The following CFAP91 variants were observed in gnomAD, a reference collection of about 807,000 sequenced individuals.
CFAP91 encodes the protein cilia and flagella associated protein 91.
Under a neutral mutation model 95.9 loss-of-function variants are expected in CFAP91, and 85 were observed. The ratio of observed to expected loss-of-function variants is 0.89; its 90% CI spans 0.74 to 1.06. CFAP91 has a LOEUF of 1.06. Among genes scored for constraint, CFAP91 ranks in the 50% least tolerant of loss-of-function variants. The pLI is 0.00. For synonymous variants in CFAP91, 335 were observed against 327.5 expected, an observed-to-expected ratio of 1.02 and a Z score of -0.25; for missense variants, 962 against 943.4, an observed-to-expected ratio of 1.02 and a Z score of -0.26.
chr3:119,756,853 C>T (rs1359997720), intron 17 of CFAP91, among the ~76,000 whole-genome samples: 1 of 152,010 alleles, frequency 6.6e-6, no homozygotes, highest in African/African-American at 2.4e-5. Flanking sequence ...AAAAAGGAAA[C>T]AGAACCAATA....
chr3:119,722,757 G>T (rs1205960525), intron 6 of CFAP91, among the ~76,000 whole-genome samples: 2 of 151,906 alleles, frequency 1.3e-5, no homozygotes, highest in Non-Finnish European at 2.9e-5. Context: ...GCCTCCAAAA[G>T]TGCTGGGATT....
At chr3:119,726,107 T>C in intron 6 of CFAP91, 64 bp from the exon 7 acceptor site, 1 of 1,400,010 alleles carries the variant, frequency 7.1e-7, no homozygotes, top group South Asian at 1.4e-5. Context: ...AGGGAGTTAA[T>C]TATATACTGG....
At chr3:119,745,559 C>T (rs1261897256) in intron 14 of CFAP91, among the ~76,000 whole-genome samples, 1 of 152,210 alleles carries the variant, frequency 6.6e-6, no homozygotes, top group African/African-American at 2.4e-5. Context: ...CATAAACACA[C>T]AGGTACATAT....
intron 5 of CFAP91, 183 bp downstream of exon 5, chr3:119,710,078 TAACC>T (rs2053446085): frequency 1.7e-6 from 1 of 582,366 alleles, no homozygotes; most frequent in Non-Finnish European, 3.0e-6. Flanking sequence ...GAATAGAAAA[TAACC>T]AAAGCATCAA....
At chr3:119,752,454 C>T (rs1002698628) in intron 17 of CFAP91, 6 of 152,100 alleles carry the variant, frequency 3.9e-5, no homozygotes, top group Non-Finnish European at 7.4e-5. Flanking sequence ...AGCAGAAAAA[C>T]TTTTGACTTT....
rs776492447 is a variant in CFAP91 at position 119,715,650 on chromosome 3, G to T, written c.589G>T (p.Asp197Tyr). Residue 197 changes from aspartate (D) to tyrosine (Y), a missense_variant, in exon 6 of 18, where the codon GAT becomes TAT. Asp to Tyr is a radical substitution (Grantham distance 160). Transcript: ENST00000273390. The stretch of plus-strand genomic sequence containing the variant: ...TGTGGGCACTCAGACTGATTATCGG[G>T]ATGCTGACGTTCAAACAGATCCATA... ...STVGTQTDYR[D>Y]ADVQTDPYSA... is the part of the protein sequence containing the mutation. 6.2e-7 allele frequency: 1 copy of T among 1,613,472 alleles called. No homozygotes were observed. Among genetic ancestry groups the T allele is most frequent in the Non-Finnish European group, 8.5e-7 (1 of 1,179,438 alleles).
intron 1 of CFAP91, 134 bp downstream of exon 1, chr3:119,703,356 C>CT (rs946551727): frequency 1.4e-6 from 2 of 1,421,832 alleles, no homozygotes; most frequent in African/African-American, 2.8e-5. Flanking sequence ...CACGGTTGTC[C>CT]TTGGTCGGGT....
At chr3:119,762,697 G>A (rs976038109) in intron 17 of CFAP91, among the ~76,000 whole-genome samples, 2 of 151,970 alleles carry the variant, frequency 1.3e-5, no homozygotes, top group Admixed American at 6.6e-5. Flanking sequence ...TTTGACAGAG[G>A]TGCCAAGAAC....
intron 5 of CFAP91, among the ~76,000 whole-genome samples, chr3:119,713,465 G>A (rs918225379): frequency 2.0e-5 from 3 of 148,686 alleles, no homozygotes; most frequent in Non-Finnish European, 3.0e-5. Context: ...TGCTGTGCTC[G>A]TATATAAGCT....
At position 119,744,159 on chromosome 3, in the gene CFAP91, A is replaced by G. The variant is rs1248519424; in HGVS notation, c.1865A>G (p.Lys622Arg). ...GAGAGTGGTCGGCGCCAGGTGGAAA[A>G]ACAGCGCCTGCGGGAGGAGGACGAG... ...AEESGRRQVE[K>R]QRLREEDEIF... Residue 622 changes from lysine to arginine, a missense_variant, in exon 14 of 18, where the codon AAA becomes AGA. Transcript: ENST00000273390. The G allele has an allele frequency of 6.2e-7, 1 of 1,613,676 alleles. No homozygotes were observed.
intron 7 of CFAP91, 127 bp from the exon 8 acceptor site, chr3:119,730,093 G>C: frequency 1.1e-6 from 1 of 929,590 alleles, no homozygotes; most frequent in Non-Finnish European, 1.6e-6. Context: ...ACTTTTGCCA[G>C]AGTGGTCTTT....
chr3:119,743,663 C>T (rs1256785185), intron 13 of CFAP91, among the ~76,000 whole-genome samples: 1 of 152,116 alleles, frequency 6.6e-6, no homozygotes, highest in African/African-American at 2.4e-5. Flanking sequence ...ACACACTTTA[C>T]CTTGTTGATA....
At chr3:119,732,263 G>T in intron 8 of CFAP91, 31 bp from the exon 9 acceptor site, 1 of 1,511,528 alleles carries the variant, frequency 6.6e-7, no homozygotes, top group South Asian at 1.2e-5. Flanking sequence ...CAATATTTTA[G>T]AGATAGTCAT....
At chr3:119,746,711 G>A (rs1365772785) in intron 14 of CFAP91, among the ~76,000 whole-genome samples, 1 of 152,156 alleles carries the variant, frequency 6.6e-6, no homozygotes, top group Non-Finnish European at 1.5e-5. Flanking sequence ...GTTCTATTAT[G>A]TAAGAGGAAG....
intron 16 of CFAP91, among the ~76,000 whole-genome samples, chr3:119,748,201 A>G (rs2054260769): frequency 6.6e-6 from 1 of 152,212 alleles, no homozygotes; most frequent in African/African-American, 2.4e-5. Flanking sequence ...TTTTTTAAAA[A>G]GCATAAAACA....
At chr3:119,703,252 T>G in intron 1 of CFAP91, 30 bp downstream of exon 1, 1 of 1,607,700 alleles carries the variant, frequency 6.2e-7, no homozygotes, top group Non-Finnish European at 8.5e-7. Flanking sequence ...TTCCTCCGCG[T>G]CCGTCGCCTC....
intron 10 of CFAP91, among the ~76,000 whole-genome samples, chr3:119,735,493 G>A (rs1324331668): frequency 6.6e-6 from 1 of 152,080 alleles, no homozygotes; most frequent in Admixed American, 6.6e-5. Flanking sequence ...TTTAATCTGT[G>A]AGTATTTAAT....
At chr3:119,759,861 C>CA (rs901337303) in intron 17 of CFAP91, among the ~76,000 whole-genome samples, 12 of 151,426 alleles carry the variant, frequency 7.9e-5, no homozygotes, top group South Asian at 2.1e-4. Flanking sequence ...AAGTACAAAA[C>CA]AAAAAACCTA....
intron 13 of CFAP91, among the ~76,000 whole-genome samples, chr3:119,742,922 AC>A (rs2054147368): frequency 6.6e-6 from 1 of 152,176 alleles, no homozygotes; most frequent in Non-Finnish European, 1.5e-5. Flanking sequence ...GTGGCATGTG[AC>A]TGGAAGATGA....
Sources: gnomAD v4.1 joint callset for allele counts (sites outside exome capture counted in the v4.1 genomes callset) on GRCh38, gnomAD v4.1.1 for gene constraint, MANE v1.5 for transcripts, NCBI Gene and HGNC (gene_info 2026-07-23, HGNC 2026-07-21) for gene names.